VPS13B: variants seen among roughly 807,000 people sequenced by gnomAD.
VPS13B encodes vacuolar protein sorting 13 homolog B, also known as intermembrane lipid transfer protein VPS13B.
A neutral mutation model predicts 426.4 loss-of-function variants in VPS13B; 285 were observed. That is an observed-to-expected ratio of 0.67 (90% CI 0.61 to 0.74). The LOEUF (loss-of-function observed/expected upper bound fraction) is 0.74, where lower values mean the gene tolerates loss of function less well. Ranked by LOEUF, VPS13B falls within the 30% of genes least tolerant of loss-of-function variation. The pLI is 0.00. For synonymous variants in VPS13B, 1,676 were observed against 1,676.4 expected, an observed-to-expected ratio of 1.00 and a Z score of 0.01; for missense variants, 4,537 against 4,782.6, an observed-to-expected ratio of 0.95 and a Z score of 1.51.
intron 3 of VPS13B, among the ~76,000 whole-genome samples, chr8:99,042,345 C>T (rs956114762): frequency 6.6e-6 from 1 of 151,376 alleles, no homozygotes; most frequent in African/African-American, 2.4e-5. Flanking sequence ...AACCTTTTAC[C>T]ACCTTTCTCC....
At chr8:99,152,756 A>G (rs1191691568) in intron 14 of VPS13B, among the ~76,000 whole-genome samples, 1 of 152,120 alleles carries the variant, frequency 6.6e-6, no homozygotes, top group Admixed American at 6.6e-5. Context: ...TTTATATCTG[A>G]TAGCTTTCCC....
At chr8:99,331,178 A>G (rs1160560513) in intron 19 of VPS13B, among the ~76,000 whole-genome samples, 1 of 151,870 alleles carries the variant, frequency 6.6e-6, no homozygotes, top group Non-Finnish European at 1.5e-5. Flanking sequence ...GAAAATTTAA[A>G]CTTAAATGAA....
chr8:99,450,753 G>A, intron 23 of VPS13B, among the ~76,000 whole-genome samples: 1 of 151,436 alleles, frequency 6.6e-6, no homozygotes, highest in East Asian at 1.9e-4. Flanking sequence ...TTTTTTACTT[G>A]TCCTCATAAC....
chr8:99,064,137 A>G (rs1282616547), intron 3 of VPS13B, among the ~76,000 whole-genome samples: 3 of 152,240 alleles, frequency 2.0e-5, no homozygotes, highest in Non-Finnish European at 4.4e-5. Flanking sequence ...AGATAAAACC[A>G]CAAAGATGGG....
In VPS13B at chr8:99,121,364, G is replaced by A. The variant is rs1405353586; in HGVS notation, c.1125G>A (p.Met375Ile). 1 of 1,614,050 alleles carries A rather than the reference G, an allele frequency of 6.2e-7. No homozygotes were observed. The highest frequency in any genetic ancestry group is 8.5e-7 in the Non-Finnish European group (1 of 1,180,036). Reference protein sequence around the residue: ...DFVGNDPASTMHQQKAQTLKD... With the variant: ...DFVGNDPASTIHQQKAQTLKD... ...TTGGGAACGATCCTGCATCAACCAT[G>A]CATCAACAAAAAGCACAGACTTTGA... The change falls in exon 8 of 62, where the codon ATG becomes ATA. Residue 375 changes from methionine (M) to isoleucine (I), a missense_variant. Met to Ile is a conservative substitution (Grantham distance 10). Around this residue, in one of 2 missense-constraint regions of VPS13B, gnomAD observed 4,311 missense variants for 4,474.3 expected, o/e 0.96. Coordinates refer to ENST00000357162, the MANE Select transcript of VPS13B (RefSeq NM_152564.5).
At chr8:99,592,268 C>T (rs1428411655) in intron 33 of VPS13B, among the ~76,000 whole-genome samples, 9 of 152,006 alleles carry the variant, frequency 5.9e-5, no homozygotes, top group East Asian at 1.9e-4. Flanking sequence ...AACATCCTCC[C>T]GTAGCTTGGA....
intron 33 of VPS13B, among the ~76,000 whole-genome samples, chr8:99,611,484 A>G (rs1373369977): frequency 6.6e-6 from 1 of 152,018 alleles, no homozygotes; most frequent in African/African-American, 2.4e-5. Flanking sequence ...TATATGCATT[A>G]TCTCATTATC....
intron 33 of VPS13B, among the ~76,000 whole-genome samples, chr8:99,587,641 A>G (rs1300527625): frequency 6.6e-6 from 1 of 151,654 alleles, no homozygotes; most frequent in African/African-American, 2.4e-5. Flanking sequence ...GTCTATTCAT[A>G]TCCTTTGCCC....
chr8:99,218,321 G>A (rs1341481502), intron 17 of VPS13B, among the ~76,000 whole-genome samples: 1 of 152,196 alleles, frequency 6.6e-6, no homozygotes, highest in East Asian at 1.9e-4. Flanking sequence ...GAAGAAGTTT[G>A]CTGATCCTTG....
intron 19 of VPS13B, among the ~76,000 whole-genome samples, chr8:99,335,144 T>C (rs1047450118): frequency 6.6e-6 from 1 of 152,230 alleles, no homozygotes; most frequent in African/African-American, 2.4e-5. Flanking sequence ...TTTATTTGCG[T>C]AGAGGTGTTT....
At chr8:99,684,589 GTCT>G (rs527829389) in intron 35 of VPS13B, among the ~76,000 whole-genome samples, 1 of 152,118 alleles carries the variant, frequency 6.6e-6, no homozygotes, top group South Asian at 2.1e-4. Flanking sequence ...TTGAATTCTA[GTCT>G]TCTTCCTTAG....
chr8:99,738,943 G>A (rs1019024121), intron 39 of VPS13B, among the ~76,000 whole-genome samples: 9 of 152,194 alleles, frequency 5.9e-5, no homozygotes, highest in African/African-American at 2.2e-4. Flanking sequence ...GAGGTACCAG[G>A]TTCATCTCAC....
At chr8:99,808,825 T>C (rs1048860045) in intron 43 of VPS13B, among the ~76,000 whole-genome samples, 1 of 151,804 alleles carries the variant, frequency 6.6e-6, no homozygotes, top group Non-Finnish European at 1.5e-5. Context: ...ATACATCATA[T>C]CTTACATTTA....
At chr8:99,697,691 C>A in intron 35 of VPS13B, 1 of 639,300 alleles carries the variant, frequency 1.6e-6, no homozygotes, top group South Asian at 1.6e-5. Context: ...GGCTTGATCT[C>A]ACACCTGGAG....
intron 31 of VPS13B, among the ~76,000 whole-genome samples, chr8:99,559,391 G>A (rs1824770296): frequency 6.6e-6 from 1 of 152,168 alleles, no homozygotes. Flanking sequence ...CTTTTGCTGT[G>A]CAGAAGCTCT....
intron 19 of VPS13B, among the ~76,000 whole-genome samples, chr8:99,353,129 G>A (rs1402517242): frequency 6.6e-6 from 1 of 151,850 alleles, no homozygotes; most frequent in Non-Finnish European, 1.5e-5. Context: ...TTAGAGGCAT[G>A]TTCCACCATG....
chr8:99,656,862 G>A (rs947332802), intron 34 of VPS13B, among the ~76,000 whole-genome samples: 1 of 152,098 alleles, frequency 6.6e-6, no homozygotes, highest in Non-Finnish European at 1.5e-5. Context: ...AGAGAGTTTA[G>A]CAAAAACTGG....
At chr8:99,084,645 T>C (rs1435958642) in intron 3 of VPS13B, among the ~76,000 whole-genome samples, 1 of 152,208 alleles carries the variant, frequency 6.6e-6, no homozygotes. Context: ...GAGATTCTGG[T>C]ATGTTGTGTC....
chr8:99,667,463 T>C (rs1206008870), intron 35 of VPS13B, among the ~76,000 whole-genome samples: 1 of 152,198 alleles, frequency 6.6e-6, no homozygotes, highest in Non-Finnish European at 1.5e-5. Flanking sequence ...CAATGAATGA[T>C]TTAAGTTCTT....
Sources: gnomAD v4.1 joint callset for allele counts (sites outside exome capture counted in the v4.1 genomes callset) on GRCh38, gnomAD v4.1.1 for gene constraint, gnomAD v4.1.1 regional missense constraint, MANE v1.5 for transcripts, NCBI Gene and HGNC (gene_info 2026-07-23, HGNC 2026-07-21) for gene names.